Variants in SGCD observed in about 807,000 individuals in gnomAD.
SGCD encodes sarcoglycan delta, also known as delta-sarcoglycan.
Under a neutral mutation model 36.6 loss-of-function variants are expected in SGCD, and 18 were observed. That is an observed-to-expected ratio of 0.49 (90% CI 0.34 to 0.73). SGCD has a LOEUF of 0.73. SGCD is among the 30% of genes least tolerant of loss of function. The probability of loss-of-function intolerance (pLI) is 0.01; values close to 1 mark genes in which losing one functional copy is unlikely to be tolerated. For synonymous variants in SGCD, 133 were observed against 130.6 expected (o/e 1.02, Z -0.12); for missense variants, 387 against 346.7 (o/e 1.12, Z -0.92).
At chr5:155,850,607 G>A in the SGCD span, among the ~76,000 whole-genome samples, 1 of 152,278 alleles carries the variant, frequency 6.6e-6, no homozygotes, top group South Asian at 2.1e-4. Flanking sequence ...TTCACCATCT[G>A]CTAGGGAGCA....
chr5:155,728,158 T>G, the SGCD span, among the ~76,000 whole-genome samples: 1 of 152,092 alleles, frequency 6.6e-6, no homozygotes, highest in Admixed American at 6.5e-5. Context: ...CGCGCGACTG[T>G]GCAGCCTCTC....
At chr5:156,187,441 G>T (rs1387931665) in intron 3 of SGCD, among the ~76,000 whole-genome samples, 1 of 152,094 alleles carries the variant, frequency 6.6e-6, no homozygotes, top group African/African-American at 2.4e-5. Context: ...TGGCTAGAAT[G>T]TTAAAAGCAT....
intron 3 of SGCD, among the ~76,000 whole-genome samples, chr5:156,229,273 C>CATACACATATATATATAT (rs1561574891): frequency 1.2e-4 from 1 of 8,578 alleles, no homozygotes; most frequent in Non-Finnish European, 3.4e-4. Context: ...TATATATATA[C>CATACACATATATATATAT]ATACATATAT....
chr5:156,369,136 A>G (rs146929368), intron 3 of SGCD, among the ~76,000 whole-genome samples: 104 of 152,366 alleles, frequency 6.8e-4, no homozygotes, highest in Middle Eastern at 6.8e-3. Flanking sequence ...AAAAGGTAAC[A>G]TAACACATTA....
At chr5:156,023,380 G>T (rs1202626768) in intron 1 of SGCD, among the ~76,000 whole-genome samples, 2 of 152,220 alleles carry the variant, frequency 1.3e-5, no homozygotes, top group Non-Finnish European at 2.9e-5. Flanking sequence ...AACCAGTCAA[G>T]TATTGGAGTG....
chr5:156,759,979 T>C lies in SGCD; in HGVS notation c.*589T>C, dbSNP rs1001710737. ...AGAAGTCAGCCGTAGGAATTCAAAA[T>C]GGCTGGCCTACCTTGGCTACCAGAC... is the stretch of plus-strand genomic sequence containing the variant. On this transcript the variant is annotated 3_prime_UTR_variant, in exon 9 of 9. Transcript: ENST00000337851. 2.6e-5 allele frequency: 4 copies of C among 152,188 alleles called. No homozygotes were observed. The highest frequency in any genetic ancestry group is 9.7e-5 in the African/African-American group (4 of 41,450). 9.4% of individuals were successfully genotyped at this position (152,188 alleles called of 1,614,324 possible). A position where few individuals can be genotyped will look rare whatever the true frequency, so the allele number is the denominator to read the frequency against.
chr5:156,120,561 T>A (rs1561527679), intron 2 of SGCD, among the ~76,000 whole-genome samples: 1 of 152,182 alleles, frequency 6.6e-6, no homozygotes, highest in African/African-American at 2.4e-5. Context: ...AAAGATTATA[T>A]ATTTCATAAA....
chr5:156,727,911 C>T (rs1307346648), intron 7 of SGCD, among the ~76,000 whole-genome samples: 1 of 152,098 alleles, frequency 6.6e-6, no homozygotes, highest in Non-Finnish European at 1.5e-5. Context: ...TCCTGTTTAC[C>T]CTGTGAATGT....
intron 1 of SGCD, among the ~76,000 whole-genome samples, chr5:156,073,871 T>C (rs1394257094): frequency 2.0e-5 from 3 of 152,228 alleles, no homozygotes; most frequent in African/African-American, 7.2e-5. Flanking sequence ...TCAAGGGCTC[T>C]ATGAAGCAAG....
chr5:156,272,351 G>A (rs1022583710), intron 3 of SGCD, among the ~76,000 whole-genome samples: 21 of 152,264 alleles, frequency 1.4e-4, no homozygotes, highest in African/African-American at 4.3e-4. Flanking sequence ...AAGACATTAC[G>A]TCATTCCTTT....
At chr5:156,683,340 A>G (rs1390096224) in intron 7 of SGCD, among the ~76,000 whole-genome samples, 2 of 152,214 alleles carry the variant, frequency 1.3e-5, no homozygotes, top group African/African-American at 2.4e-5. Context: ...AGCCAAAAGC[A>G]TCATGCGGAC....
At chr5:155,738,275 T>C in the SGCD span, among the ~76,000 whole-genome samples, 1 of 152,200 alleles carries the variant, frequency 6.6e-6, no homozygotes, top group Non-Finnish European at 1.5e-5. Context: ...TTAAAAAGCC[T>C]AACAATACAA....
chr5:156,477,579 T>C (rs1464991886), intron 3 of SGCD, among the ~76,000 whole-genome samples: 1 of 152,028 alleles, frequency 6.6e-6, no homozygotes, highest in Non-Finnish European at 1.5e-5. Context: ...GGAGACTTTC[T>C]GTCTCATGAG....
chr5:156,244,518 C>T (rs913066072), intron 3 of SGCD, among the ~76,000 whole-genome samples: 1 of 152,132 alleles, frequency 6.6e-6, no homozygotes, highest in Non-Finnish European at 1.5e-5. Flanking sequence ...GGTAATGGGA[C>T]ATTGGGTTCA....
At chr5:156,135,755 C>A (rs1220162471) in intron 3 of SGCD, among the ~76,000 whole-genome samples, 1 of 152,136 alleles carries the variant, frequency 6.6e-6, no homozygotes. Flanking sequence ...TGTTTCCATA[C>A]TTTGACTTTT....
intron 3 of SGCD, among the ~76,000 whole-genome samples, chr5:156,186,556 G>T (rs1377727091): frequency 6.6e-6 from 1 of 152,146 alleles, no homozygotes; most frequent in Non-Finnish European, 1.5e-5. Context: ...GCAAATAGGT[G>T]ATTGTATTGC....
chr5:155,879,960 T>C (rs774006108), intron 1 of SGCD, among the ~76,000 whole-genome samples: 5 of 152,156 alleles, frequency 3.3e-5, no homozygotes, highest in Non-Finnish European at 7.4e-5. Flanking sequence ...TATTTTTTGT[T>C]TCTGTGTTCC....
At chr5:156,076,537 T>C (rs926162505) in intron 1 of SGCD, among the ~76,000 whole-genome samples, 3 of 152,196 alleles carry the variant, frequency 2.0e-5, no homozygotes, top group Non-Finnish European at 4.4e-5. Flanking sequence ...TGAGGCAATG[T>C]CAAACTCTGA....
intron 4 of SGCD, among the ~76,000 whole-genome samples, chr5:156,528,134 C>T (rs899027895): frequency 6.6e-6 from 1 of 152,150 alleles, no homozygotes; most frequent in Non-Finnish European, 1.5e-5. Flanking sequence ...TATTTGGGAG[C>T]AGGATCTGGA....
Sources: allele counts gnomAD v4.1 joint callset (sites outside exome capture counted in the v4.1 genomes callset), GRCh38; gene constraint gnomAD v4.1.1; transcripts MANE v1.5; gene names NCBI Gene and HGNC (gene_info 2026-07-23, HGNC 2026-07-21).